The following CLEC9A variants were observed in gnomAD, a reference collection of about 807,000 sequenced individuals.
The protein encoded by CLEC9A is C-type lectin domain containing 9A.
CLEC9A carries 24 observed loss-of-function variants against 30.0 expected under a neutral mutation model. The observed-to-expected ratio is 0.80, with a 90% confidence interval of 0.58 to 1.13. The LOEUF is 1.13. CLEC9A is among the 50% of genes most tolerant of loss of function. CLEC9A has a pLI of 0.00. For synonymous variants in CLEC9A, 111 were observed against 96.8 expected (o/e 1.15, Z -0.86); for missense variants, 251 against 280.9 (o/e 0.89, Z 0.76).
At chr12:10,045,062 C>T (rs556648804) in intron 2 of CLEC9A, among the ~76,000 whole-genome samples, 6 of 152,200 alleles carry the variant, frequency 3.9e-5, no homozygotes, top group Non-Finnish European at 8.8e-5. Context: ...TTCCATGAAC[C>T]TATTCCCATC....
intron 2 of CLEC9A, among the ~76,000 whole-genome samples, chr12:10,044,556 C>T (rs1865829198): frequency 6.6e-6 from 1 of 152,090 alleles, no homozygotes; most frequent in East Asian, 1.9e-4. Context: ...TTGCTATTTT[C>T]TTCTCCTAGA....
intron 5 of CLEC9A, among the ~76,000 whole-genome samples, chr12:10,055,272 A>G (rs1466971655): frequency 6.6e-6 from 1 of 152,224 alleles, no homozygotes; most frequent in African/African-American, 2.4e-5. Flanking sequence ...TAAAAAATAC[A>G]TATTTTAGAC....
chr12:10,047,273 T>TAA (rs1865854949), intron 2 of CLEC9A, among the ~76,000 whole-genome samples: 2 of 152,346 alleles, frequency 1.3e-5, no homozygotes, highest in South Asian at 4.1e-4. Flanking sequence ...TAGCCATAAC[T>TAA]TTGGCTTTTG....
At chr12:10,031,959 A>G (rs1865700956) in intron 1 of CLEC9A, among the ~76,000 whole-genome samples, 1 of 151,678 alleles carries the variant, frequency 6.6e-6, no homozygotes. Context: ...AGGAATGCAG[A>G]CAAGGCTGAG....
chr12:10,063,357 T>C (rs958936358), intron 7 of CLEC9A, 151 bp downstream of exon 7: 5 of 772,086 alleles, frequency 6.5e-6, no homozygotes, highest in East Asian at 6.7e-5. Flanking sequence ...AAAGTTGGAA[T>C]CTGTATTTTT....
intron 8 of CLEC9A, among the ~76,000 whole-genome samples, chr12:10,065,186 G>T (rs955543972): frequency 2.0e-5 from 3 of 152,164 alleles, no homozygotes. Flanking sequence ...AGATGGCAGT[G>T]GGGAGATGGA....
At chr12:10,038,601 TAAC>T (rs758775698) in intron 1 of CLEC9A, among the ~76,000 whole-genome samples, 29 of 152,256 alleles carry the variant, frequency 1.9e-4, no homozygotes, top group Non-Finnish European at 8.8e-5. Context: ...CATGGGGGTT[TAAC>T]AACAACAACA....
chr12:10,041,674 T>C (rs958220574), intron 2 of CLEC9A, 54 bp downstream of exon 2: 3 of 521,720 alleles, frequency 5.8e-6, no homozygotes, highest in African/African-American at 1.9e-5. Context: ...AACTCTCAAA[T>C]GTAACATTTG....
intron 2 of CLEC9A, among the ~76,000 whole-genome samples, chr12:10,045,879 T>A (rs763257095): frequency 6.6e-6 from 1 of 152,216 alleles, no homozygotes; most frequent in Non-Finnish European, 1.5e-5. Context: ...TTGTCTAATT[T>A]CTAATTACCT....
intron 8 of CLEC9A, 85 bp downstream of exon 8, chr12:10,064,938 C>T: frequency 2.7e-6 from 4 of 1,462,854 alleles, no homozygotes; most frequent in Non-Finnish European, 3.6e-6. Flanking sequence ...CATGAATTTT[C>T]TCCAAGGGAC....
At chr12:10,054,862 T>C (rs1865926026) in intron 5 of CLEC9A, among the ~76,000 whole-genome samples, 1 of 152,172 alleles carries the variant, frequency 6.6e-6, no homozygotes, top group African/African-American at 2.4e-5. Flanking sequence ...TAAAATATAA[T>C]AATTACAGAG....
chr12:10,043,690 A>G (rs1865818924), intron 2 of CLEC9A, among the ~76,000 whole-genome samples: 1 of 146,902 alleles, frequency 6.8e-6, no homozygotes. Context: ...ATATATATAT[A>G]GACAGAGAGA....
chr12:10,054,388 G>T (rs377200882), intron 5 of CLEC9A, 37 bp downstream of exon 5: 1 of 1,336,146 alleles, frequency 7.5e-7, no homozygotes, highest in African/African-American at 1.5e-5. Flanking sequence ...TATGTATATC[G>T]TTATATATAA....
At chr12:10,046,704 G>A (rs1445093561) in intron 2 of CLEC9A, among the ~76,000 whole-genome samples, 2 of 152,178 alleles carry the variant, frequency 1.3e-5, no homozygotes, top group African/African-American at 4.8e-5. Flanking sequence ...AAAACATGGA[G>A]ATGTTCAAAC....
At chr12:10,047,449 T>G (rs570423779) in intron 2 of CLEC9A, among the ~76,000 whole-genome samples, 30 of 152,124 alleles carry the variant, frequency 2.0e-4, no homozygotes, top group Non-Finnish European at 4.0e-4. Flanking sequence ...CTAAAGCATC[T>G]TACACATGGA....
chr12:10,037,633 A>G (rs904717868), intron 1 of CLEC9A, among the ~76,000 whole-genome samples: 1 of 152,182 alleles, frequency 6.6e-6, no homozygotes, highest in African/African-American at 2.4e-5. Context: ...GGAAAAACCC[A>G]TGCAAACACG....
At chr12:10,036,832 A>C (rs970990720) in intron 1 of CLEC9A, among the ~76,000 whole-genome samples, 3 of 152,208 alleles carry the variant, frequency 2.0e-5, no homozygotes, top group Admixed American at 6.5e-5. Context: ...AAGTCCCCCA[A>C]ATTTCTTAAA....
intron 3 of CLEC9A, 70 bp from the exon 4 acceptor site, chr12:10,052,560 A>C: frequency 1.4e-6 from 2 of 1,445,760 alleles, no homozygotes; most frequent in East Asian, 4.7e-5. Context: ...TTAAACACAA[A>C]CATATTTTCC....
At chr12:10,047,234 A>G (rs1045028163) in intron 2 of CLEC9A, among the ~76,000 whole-genome samples, 1 of 152,228 alleles carries the variant, frequency 6.6e-6, no homozygotes, top group African/African-American at 2.4e-5. Context: ...CCAAATAGGA[A>G]CTAATAATTC....
Sources: gnomAD v4.1 joint callset for allele counts (sites outside exome capture counted in the v4.1 genomes callset) on GRCh38, gnomAD v4.1.1 for gene constraint, MANE v1.5 for transcripts, NCBI Gene and HGNC (gene_info 2026-07-23, HGNC 2026-07-21) for gene names.